Variants in DCLK1 observed in about 807,000 individuals in gnomAD.
The protein encoded by DCLK1 is serine/threonine-protein kinase DCLK1.
DCLK1 carries 16 observed loss-of-function variants against 86.2 expected under a neutral mutation model. The ratio of observed to expected loss-of-function variants is 0.19; its 90% CI spans 0.13 to 0.28. The LOEUF is 0.28. Among genes scored for constraint, DCLK1 ranks in the 10% least tolerant of loss-of-function variants. The probability of loss-of-function intolerance (pLI) is 1.00; values close to 1 mark genes in which losing one functional copy is unlikely to be tolerated. For synonymous variants in DCLK1, 369 were observed against 370.5 expected, an observed-to-expected ratio of 1.00 and a Z score of 0.05; for missense variants, 590 against 940.2, an observed-to-expected ratio of 0.63 and a Z score of 4.87.
intron 16 of DCLK1, among the ~76,000 whole-genome samples, chr13:35,788,491 G>T (rs1026552883): frequency 6.6e-6 from 1 of 152,184 alleles, no homozygotes; most frequent in Admixed American, 6.5e-5. Flanking sequence ...AGGCCAATTT[G>T]CTCAAATAGA....
intron 6 of DCLK1, chr13:35,846,903 A>G (rs1364182975): frequency 1.4e-5 from 14 of 985,368 alleles, no homozygotes; most frequent in Non-Finnish European, 1.7e-5. Flanking sequence ...TTGAAAGAAC[A>G]TACAGAATCG....
intron 3 of DCLK1, among the ~76,000 whole-genome samples, chr13:35,958,295 CACTATAATAAACACCACT>C (rs1878246670): frequency 2.2e-5 from 2 of 89,606 alleles, no homozygotes; most frequent in African/African-American, 7.8e-5. Context: ...CCACTATAAC[CACTATAATAAACACCACT>C]ACCACCACCA....
intron 2 of DCLK1, among the ~76,000 whole-genome samples, chr13:36,121,791 G>A (rs1207482786): frequency 6.6e-6 from 1 of 152,090 alleles, no homozygotes; most frequent in East Asian, 1.9e-4. Flanking sequence ...CACATGCACT[G>A]GTATCTCTGA....
chr13:36,063,430 C>T (rs1485415082), intron 3 of DCLK1, among the ~76,000 whole-genome samples: 1 of 152,130 alleles, frequency 6.6e-6, no homozygotes, highest in East Asian at 1.9e-4. Context: ...TTCAGTTAGA[C>T]TCTGACCATT....
chr13:36,076,045 C>T (rs1034394585), intron 3 of DCLK1, among the ~76,000 whole-genome samples: 2 of 152,114 alleles, frequency 1.3e-5, no homozygotes, highest in East Asian at 1.9e-4. Context: ...CTAATTTTGT[C>T]TTCTTGATCC....
chr13:35,846,616 G>A, intron 6 of DCLK1: 1 of 985,218 alleles, frequency 1.0e-6, no homozygotes, highest in South Asian at 4.7e-5. Flanking sequence ...TTTTTCAACT[G>A]ACAGTACAAC....
At chr13:35,812,111 T>C (rs904142046) in intron 11 of DCLK1, among the ~76,000 whole-genome samples, 1 of 152,192 alleles carries the variant, frequency 6.6e-6, no homozygotes, top group East Asian at 1.9e-4. Flanking sequence ...AAAGGATGCA[T>C]GTGACTGTAG....
At chr13:35,920,980 C>T (rs1300416934) in intron 4 of DCLK1, among the ~76,000 whole-genome samples, 1 of 152,150 alleles carries the variant, frequency 6.6e-6, no homozygotes, top group Non-Finnish European at 1.5e-5. Flanking sequence ...TCCCTGCCCC[C>T]CACGGCCAAC....
intron 3 of DCLK1, among the ~76,000 whole-genome samples, chr13:35,978,457 T>C (rs1879467757): frequency 6.6e-6 from 1 of 152,042 alleles, no homozygotes; most frequent in South Asian, 2.1e-4. Flanking sequence ...CCACCCACCT[T>C]GGCCTCCCAA....
chr13:35,879,128 A>G (rs1872743992), intron 4 of DCLK1, among the ~76,000 whole-genome samples: 1 of 152,218 alleles, frequency 6.6e-6, no homozygotes, highest in South Asian at 2.1e-4. Context: ...AAAAGAAGGC[A>G]TGGGACAGAC....
chr13:35,988,739 T>C (rs902756781), intron 3 of DCLK1, among the ~76,000 whole-genome samples: 1 of 152,196 alleles, frequency 6.6e-6, no homozygotes, highest in African/African-American at 2.4e-5. Flanking sequence ...TCTTGACAAA[T>C]AGCAGTTTCC....
upstream of DCLK1, among the ~76,000 whole-genome samples, chr13:36,131,865 T>C (rs1886370743): frequency 6.6e-6 from 1 of 152,206 alleles, no homozygotes; most frequent in Non-Finnish European, 1.5e-5. Flanking sequence ...ACCCACGCAG[T>C]GCCTCTTCGG....
chr13:35,962,936 A>T (rs951735830), intron 3 of DCLK1, among the ~76,000 whole-genome samples: 1 of 152,132 alleles, frequency 6.6e-6, no homozygotes, highest in Non-Finnish European at 1.5e-5. Flanking sequence ...GTTCATTGTT[A>T]GTTGTTTACA....
intron 11 of DCLK1, among the ~76,000 whole-genome samples, chr13:35,814,664 T>C (rs2087229035): frequency 6.6e-6 from 1 of 152,238 alleles, no homozygotes; most frequent in African/African-American, 2.4e-5. Context: ...TATGATTTAA[T>C]GTTCATCCCT....
intron 4 of DCLK1, among the ~76,000 whole-genome samples, chr13:35,910,469 A>C (rs1874950082): frequency 6.6e-6 from 1 of 152,230 alleles, no homozygotes; most frequent in Admixed American, 6.5e-5. Flanking sequence ...ATGAGAGGAC[A>C]GCTCCAAGAT....
intron 4 of DCLK1, among the ~76,000 whole-genome samples, chr13:35,904,365 T>C (rs1023729015): frequency 1.3e-5 from 2 of 152,182 alleles, no homozygotes; most frequent in Non-Finnish European, 2.9e-5. Flanking sequence ...CTAATTTTTG[T>C]ATTTTTAGTA....
intron 3 of DCLK1, among the ~76,000 whole-genome samples, chr13:36,034,695 TGAG>T (rs965213111): frequency 7.2e-5 from 11 of 152,240 alleles, no homozygotes; most frequent in African/African-American, 2.6e-4. Flanking sequence ...AACTGACTCT[TGAG>T]GGGAAAATAA....
intron 16 of DCLK1, 35 bp downstream of exon 16, chr13:35,793,330 TA>T (rs1166093508): frequency 1.2e-5 from 19 of 1,563,520 alleles, no homozygotes; most frequent in Non-Finnish European, 1.7e-5. Context: ...TGGGTTGCTT[TA>T]AAAAAAGTTA....
At chr13:35,965,787 T>C (rs1156442058) in intron 3 of DCLK1, among the ~76,000 whole-genome samples, 1 of 152,140 alleles carries the variant, frequency 6.6e-6, no homozygotes, top group Non-Finnish European at 1.5e-5. Context: ...ACTCTCTCTC[T>C]CTCTCTCAGC....
Sources: allele counts gnomAD v4.1 joint callset (sites outside exome capture counted in the v4.1 genomes callset), GRCh38; gene constraint gnomAD v4.1.1; transcripts MANE v1.5; gene names NCBI Gene and HGNC (gene_info 2026-07-23, HGNC 2026-07-21).